Variants in EFTUD2 observed in about 807,000 individuals in gnomAD.
The protein encoded by EFTUD2 is elongation factor Tu GTP binding domain containing 2, also known as 116 kDa U5 small nuclear ribonucleoprotein component.
In EFTUD2, 9 loss-of-function variants were observed where a neutral mutation model predicts 114.3. The observed-to-expected ratio is 0.08, with a 90% CI of 0.05 to 0.14. The LOEUF (loss-of-function observed/expected upper bound fraction) is 0.14, where lower values mean the gene tolerates loss of function less well. Among genes scored for constraint, EFTUD2 ranks in the 10% least tolerant of loss-of-function variants. The pLI, the probability that EFTUD2 is intolerant of heterozygous loss-of-function variation, is 1.00. For missense variants in EFTUD2, 765 were observed against 1,241.2 expected (o/e 0.62, Z 5.76); for synonymous variants, 449 against 462.3 (o/e 0.97, Z 0.37).
Position 44,865,035 on chromosome 17 carries a change from G to T in EFTUD2, c.1180C>A (p.Arg394=). ...VVGDVDTSLP[R]TLDELGIHLT... Reference sequence around the variant, plus strand: ...TGGATGCCAAGCTCGTCTAGGGTCCGTGGGAGGCTGGTGTCCACGTCACCT... The same window carrying T: ...TGGATGCCAAGCTCGTCTAGGGTCCTTGGGAGGCTGGTGTCCACGTCACCT... The change falls in exon 14 of 28, where the codon CGG becomes AGG. Residue 394 remains arginine (R), a synonymous_variant. Transcript: ENST00000426333. 20 of 1,614,208 alleles carry T rather than the reference G, an allele frequency of 1.2e-5. No homozygotes were observed. Among genetic ancestry groups the T allele is most frequent in the Non-Finnish European group, 1.7e-5 (20 of 1,180,038 alleles).
At chr17:44,873,515 C>T (rs2145507075) in intron 10 of EFTUD2, among the ~76,000 whole-genome samples, 1 of 152,128 alleles carries the variant, frequency 6.6e-6, no homozygotes, top group Non-Finnish European at 1.5e-5. Flanking sequence ...ACCACCAAGC[C>T]TGGCTAATTT....
intron 13 of EFTUD2, chr17:44,865,284 C>T: frequency 3.7e-6 from 2 of 535,054 alleles, no homozygotes; most frequent in South Asian, 5.4e-5. Context: ...CATCCCCATC[C>T]CAGCCAATAA....
chr17:44,871,602 G>A (rs2050856250), intron 11 of EFTUD2, among the ~76,000 whole-genome samples: 2 of 152,240 alleles, frequency 1.3e-5, no homozygotes, highest in East Asian at 3.9e-4. Flanking sequence ...GCCTCCCAGA[G>A]TGCTGGGATT....
intron 18 of EFTUD2, 155 bp from the exon 19 acceptor site, chr17:44,859,336 C>A: frequency 1.5e-6 from 1 of 653,732 alleles, no homozygotes; most frequent in Non-Finnish European, 2.8e-6. Flanking sequence ...CAGTGAGGAG[C>A]ATCTGCCTAT....
At chr17:44,895,276 A>G (rs1457580077) in intron 1 of EFTUD2, among the ~76,000 whole-genome samples, 1 of 152,242 alleles carries the variant, frequency 6.6e-6, no homozygotes, top group African/African-American at 2.4e-5. Context: ...CAGGCAGATG[A>G]CCTGAGGTCA....
At chr17:44,856,947 G>A (rs2050567641) in intron 20 of EFTUD2, 128 bp downstream of exon 20, 2 of 697,894 alleles carry the variant, frequency 2.9e-6, no homozygotes, top group Non-Finnish European at 5.0e-6. Context: ...AGTATTGTAA[G>A]CACCCCCTAT....
chr17:44,871,809 A>T (rs1205479270), intron 11 of EFTUD2, among the ~76,000 whole-genome samples: 1 of 152,208 alleles, frequency 6.6e-6, no homozygotes, highest in Non-Finnish European at 1.5e-5. Flanking sequence ...GAACGGGGTA[A>T]CAGTGACTTC....
At chr17:44,881,743 G>C in intron 6 of EFTUD2, 21 bp from the exon 7 acceptor site, 1 of 1,613,628 alleles carries the variant, frequency 6.2e-7, no homozygotes, top group South Asian at 1.1e-5. Flanking sequence ...ATTAACTGTT[G>C]TTACCACCTG....
chr17:44,876,459 A>T (rs1009947263), intron 9 of EFTUD2, among the ~76,000 whole-genome samples: 2 of 152,170 alleles, frequency 1.3e-5, no homozygotes, highest in Non-Finnish European at 2.9e-5. Flanking sequence ...ATAGTTATAG[A>T]TATGTATGAG....
chr17:44,877,134 T>G (rs2050975372), intron 9 of EFTUD2, among the ~76,000 whole-genome samples: 1 of 151,966 alleles, frequency 6.6e-6, no homozygotes, highest in Non-Finnish European at 1.5e-5. Context: ...AGCTCGAGGC[T>G]GCTGTGAGGT....
intron 11 of EFTUD2, among the ~76,000 whole-genome samples, chr17:44,871,014 T>C (rs1462965941): frequency 1.3e-5 from 2 of 149,272 alleles, no homozygotes; most frequent in African/African-American, 2.4e-5. Flanking sequence ...TGAGATTATG[T>C]CTCAAAAAAA....
intron 4 of EFTUD2, among the ~76,000 whole-genome samples, chr17:44,884,455 G>A (rs1253844773): frequency 2.0e-5 from 3 of 151,554 alleles, no homozygotes; most frequent in Non-Finnish European, 4.4e-5. Context: ...GAAGGTGGAG[G>A]TTGTAGAGAG....
At chr17:44,853,459 C>T in intron 24 of EFTUD2, 58 bp downstream of exon 24, 1 of 1,612,124 alleles carries the variant, frequency 6.2e-7, no homozygotes, top group South Asian at 1.1e-5. Context: ...CCACTTGCTC[C>T]TTCACTTAGT....
chr17:44,862,659 G>T, intron 16 of EFTUD2, 54 bp downstream of exon 16: 2 of 1,523,980 alleles, frequency 1.3e-6, no homozygotes, highest in Non-Finnish European at 8.9e-7. Flanking sequence ...GCTCCTTGGG[G>T]GCAGCCCCTG....
At chr17:44,874,936 T>G (rs1181495810) in intron 10 of EFTUD2, among the ~76,000 whole-genome samples, 2 of 152,262 alleles carry the variant, frequency 1.3e-5, no homozygotes, top group Non-Finnish European at 2.9e-5. Context: ...TTATGTTAAC[T>G]TATACTATAA....
At chr17:44,881,435 A>G (rs1376145571) in intron 7 of EFTUD2, among the ~76,000 whole-genome samples, 2 of 151,948 alleles carry the variant, frequency 1.3e-5, no homozygotes, top group East Asian at 1.9e-4. Context: ...TACTTCTCCT[A>G]TATTAGGCCA....
At chr17:44,868,528 C>T (rs1250599678) in intron 11 of EFTUD2, 178 bp from the exon 12 acceptor site, 4 of 590,834 alleles carry the variant, frequency 6.8e-6, no homozygotes, top group Non-Finnish European at 8.9e-6. Context: ...AAGGACAAGA[C>T]TGGTCCAAAG....
rs757645435 is a variant in EFTUD2 at position 44,852,600 on chromosome 17, C to T, written c.2562-38G>A. 3.7e-6 allele frequency: 6 copies of T among 1,608,968 alleles called. No homozygotes were observed. The East Asian group carries it at 1.3e-4, about 36-fold the overall frequency. On this transcript the variant is annotated intron_variant, in intron 25 of 27. Coordinates refer to ENST00000426333, the MANE Select transcript of EFTUD2 (RefSeq NM_004247.4). Reference sequence around the variant, plus strand: ...AACAAAGGCTGAGCCTCTAGTCAAACATAGGCCAAAAGCCAAGAAGCAATC... The same window carrying T: ...AACAAAGGCTGAGCCTCTAGTCAAATATAGGCCAAAAGCCAAGAAGCAATC...
intron 2 of EFTUD2, 145 bp downstream of exon 2, chr17:44,894,272 A>G: frequency 1.5e-6 from 1 of 646,800 alleles, no homozygotes; most frequent in East Asian, 2.8e-5. Context: ...TGGGAGGCCA[A>G]GGTGGGAGGA....
Sources: gnomAD v4.1 joint callset for allele counts (sites outside exome capture counted in the v4.1 genomes callset) on GRCh38, gnomAD v4.1.1 for gene constraint, MANE v1.5 for transcripts, NCBI Gene and HGNC (gene_info 2026-07-23, HGNC 2026-07-21) for gene names.